The following BRINP3 variants were observed in gnomAD, a reference collection of about 807,000 sequenced individuals.
BRINP3 encodes BMP/retinoic acid inducible neural specific 3, also known as BMP/retinoic acid-inducible neural-specific protein 3.
BRINP3 carries 19 observed loss-of-function variants against 71.0 expected under a neutral mutation model. That is an observed-to-expected ratio of 0.27 (90% confidence interval 0.19 to 0.39). The LOEUF is 0.39. Ranked by LOEUF, BRINP3 falls within the 10% of genes least tolerant of loss-of-function variation. The pLI is 1.00. For synonymous variants in BRINP3, 380 were observed against 337.7 expected (o/e 1.13, Z -1.37); for missense variants, 959 against 940.8 (o/e 1.02, Z -0.25).
chr1:190,218,876 A>C (rs1295351251), intron 6 of BRINP3, among the ~76,000 whole-genome samples: 1 of 152,100 alleles, frequency 6.6e-6, no homozygotes, highest in African/African-American at 2.4e-5. Context: ...TTCATTGTGT[A>C]ATTTGTGTTA....
rs910277227 is a variant in BRINP3 at position 190,190,626 on chromosome 1, T to A, written c.962-29736A>T. Among the ~76,000 whole-genome samples the A allele has an allele frequency of 2.0e-5, 3 of 152,106 alleles. No homozygotes were observed. In the South Asian group the frequency reaches 6.2e-4, roughly 32 times the overall value. On this transcript the variant is annotated intron_variant, in intron 6 of 7. Transcript: ENST00000367462. ...TACATATTTCTACTGTAGAGCATAC[T>A]GATTCTTGCCTATCAGAATTCAGAA... is the stretch of plus-strand genomic sequence containing the variant.
chr1:190,158,029 G>A (rs1657015408), intron 7 of BRINP3, among the ~76,000 whole-genome samples: 1 of 152,050 alleles, frequency 6.6e-6, no homozygotes, highest in African/African-American at 2.4e-5. Context: ...GCCAATTAAT[G>A]TGTGTACTTA....
chr1:190,112,305 T>C (rs1254063089), intron 7 of BRINP3, among the ~76,000 whole-genome samples: 1 of 152,202 alleles, frequency 6.6e-6, no homozygotes, highest in Non-Finnish European at 1.5e-5. Context: ...CATATCACAG[T>C]GTTCCTGCAA....
At chr1:190,104,297 C>T (rs1462219319) in intron 7 of BRINP3, among the ~76,000 whole-genome samples, 2 of 151,996 alleles carry the variant, frequency 1.3e-5, no homozygotes, top group Non-Finnish European at 2.9e-5. Context: ...ACTTTGAATC[C>T]TGTTCATTTA....
chr1:190,412,199 G>A (rs903880960), intron 2 of BRINP3, among the ~76,000 whole-genome samples: 5 of 151,988 alleles, frequency 3.3e-5, no homozygotes, highest in Non-Finnish European at 7.4e-5. Flanking sequence ...ATAAGTATTG[G>A]GGAAGGGCTG....
At chr1:190,281,827 G>C (rs547455607) in intron 2 of BRINP3, 77 bp from the exon 3 acceptor site, 2 of 1,367,008 alleles carry the variant, frequency 1.5e-6, no homozygotes, top group Non-Finnish European at 2.0e-6. Flanking sequence ...TTGGTAGCTG[G>C]GGTCAGTACA....
chr1:190,102,587 A>G, intron 7 of BRINP3, among the ~76,000 whole-genome samples: 1 of 152,078 alleles, frequency 6.6e-6, no homozygotes, highest in East Asian at 1.9e-4. Context: ...ACTTCAGTAA[A>G]CATTCTAAAT....
At chr1:190,304,404 C>G (rs1664949437) in intron 2 of BRINP3, among the ~76,000 whole-genome samples, 1 of 151,700 alleles carries the variant, frequency 6.6e-6, no homozygotes, top group Non-Finnish European at 1.5e-5. Flanking sequence ...TATATTAACC[C>G]AAACTGATAC....
chr1:190,441,114 T>C (rs1674787098), intron 2 of BRINP3, among the ~76,000 whole-genome samples: 1 of 151,786 alleles, frequency 6.6e-6, no homozygotes, highest in South Asian at 2.1e-4. Context: ...TTTGACTTGG[T>C]CAAATATAAT....
intron 2 of BRINP3, among the ~76,000 whole-genome samples, chr1:190,297,778 T>TTGTGTG (rs1305550559): frequency 1.7e-5 from 2 of 117,794 alleles, no homozygotes; most frequent in African/African-American, 2.8e-5. Flanking sequence ...TTCTGTTTTC[T>TTGTGTG]CGTGTGTGTG....
chr1:190,171,267 T>A (rs1186827059), intron 6 of BRINP3, among the ~76,000 whole-genome samples: 1 of 152,188 alleles, frequency 6.6e-6, no homozygotes, highest in Non-Finnish European at 1.5e-5. Flanking sequence ...TTTGGTTGCT[T>A]GTTTACTTGT....
In BRINP3 at chr1:190,131,101, C is replaced by T. The variant is rs78661061; in HGVS notation, c.1184+29567G>A. Among the ~76,000 whole-genome samples, 551 of 146,062 alleles carry T rather than the reference C, an allele frequency of 3.8e-3. 3 individuals carry two copies. Among genetic ancestry groups the T allele is most frequent in the African/African-American group, 0.013 (525 of 39,316 alleles). On this transcript the variant is annotated intron_variant, in intron 7 of 7. Transcript: ENST00000367462. ...AACTGATTCAGATAGATATTATTAT[C>T]CTCATTTTATAGATGAAGAAACTAG... is the stretch of plus-strand genomic sequence containing the variant.
intron 1 of BRINP3, among the ~76,000 whole-genome samples, chr1:190,470,968 T>C (rs1009266376): frequency 6.6e-6 from 1 of 151,018 alleles, no homozygotes; most frequent in African/African-American, 2.4e-5. Flanking sequence ...GAATGAATAC[T>C]TTATTTTAAA....
intron 2 of BRINP3, among the ~76,000 whole-genome samples, chr1:190,388,656 C>T (rs930760102): frequency 6.6e-6 from 1 of 151,688 alleles, no homozygotes; most frequent in Admixed American, 6.6e-5. Context: ...TTTGGACTTC[C>T]AGACTCCAGA....
rs1481235972 is a variant in BRINP3, at chr1:190,281,711, C to A, written c.276G>T (p.Glu92Asp). Residue 92 changes from glutamate to aspartate, a missense_variant, in exon 3 of 8, where the codon GAG becomes GAT. Transcript: ENST00000367462. ...GAGGAGAGCCAAGGAAATTTCTTCT[C>A]TCAACTGCAAGGTTATTTACTTTCC... ...GRWKVNNLAV[E>D]RRNFLGSPLP... The A allele has an allele frequency of 6.2e-7, 1 of 1,612,560 alleles. No homozygotes were observed. The highest frequency in any genetic ancestry group is 8.5e-7 in the Non-Finnish European group (1 of 1,179,172).
intron 4 of BRINP3, among the ~76,000 whole-genome samples, chr1:190,255,651 C>T (rs556801997): frequency 4.4e-4 from 67 of 151,874 alleles, no homozygotes; most frequent in African/African-American, 1.5e-3. Context: ...TTTTTTATTG[C>T]ATTTATTTTA....
chr1:190,471,877 C>T (rs1440026432), intron 1 of BRINP3, among the ~76,000 whole-genome samples: 1 of 151,238 alleles, frequency 6.6e-6, no homozygotes, highest in African/African-American at 2.4e-5. Context: ...AACTAATATG[C>T]CTCAGGAAGT....
intron 1 of BRINP3, among the ~76,000 whole-genome samples, chr1:190,471,196 C>T (rs1386572967): frequency 2.7e-5 from 4 of 150,840 alleles, no homozygotes; most frequent in Admixed American, 6.6e-5. Context: ...CTATTTGATG[C>T]TATTAAAAAA....
At chr1:190,396,891 CT>C (rs1315772748) in intron 2 of BRINP3, among the ~76,000 whole-genome samples, 2 of 61,250 alleles carry the variant, frequency 3.3e-5, no homozygotes, top group Non-Finnish European at 8.1e-5. Flanking sequence ...TTTTCAGTAC[CT>C]AAAACATTTC....
Sources: gnomAD v4.1 joint callset for allele counts (sites outside exome capture counted in the v4.1 genomes callset) on GRCh38, gnomAD v4.1.1 for gene constraint, MANE v1.5 for transcripts, NCBI Gene and HGNC (gene_info 2026-07-23, HGNC 2026-07-21) for gene names.